ADAMTS17: variants seen among roughly 807,000 people sequenced by gnomAD.
ADAMTS17 encodes A disintegrin and metalloproteinase with thrombospondin motifs 17.
In ADAMTS17, 113 loss-of-function variants were observed where a neutral mutation model predicts 141.5. The ratio of observed to expected loss-of-function variants is 0.80; its 90% confidence interval spans 0.69 to 0.93. The LOEUF is 0.93. Among genes scored for constraint, ADAMTS17 ranks in the 40% least tolerant of loss-of-function variants. The pLI is 0.00. For synonymous variants in ADAMTS17, 768 were observed against 630.6 expected, an observed-to-expected ratio of 1.22 and a Z score of -3.27; for missense variants, 1,659 against 1,517.9, an observed-to-expected ratio of 1.09 and a Z score of -1.54.
At chr15:100,293,463 GCCC>G (rs1190685539) in intron 3 of ADAMTS17, among the ~76,000 whole-genome samples, 3 of 152,112 alleles carry the variant, frequency 2.0e-5, no homozygotes, top group Non-Finnish European at 4.4e-5. Context: ...TTCTGTACCT[GCCC>G]CATCAAAAAC....
intron 15 of ADAMTS17, among the ~76,000 whole-genome samples, chr15:100,082,821 TC>T (rs1471975397): frequency 1.3e-5 from 2 of 149,934 alleles, no homozygotes; most frequent in African/African-American, 4.9e-5. Flanking sequence ...TTGCAGACTC[TC>T]CTTCAAGAAC....
chr15:100,337,028 C>T (rs1200757569), intron 2 of ADAMTS17, among the ~76,000 whole-genome samples: 1 of 152,214 alleles, frequency 6.6e-6, no homozygotes, highest in Non-Finnish European at 1.5e-5. Flanking sequence ...CGCCCACCAC[C>T]ATGCCCAGCT....
intron 13 of ADAMTS17, among the ~76,000 whole-genome samples, chr15:100,111,046 G>A (rs948497820): frequency 2.0e-5 from 3 of 152,300 alleles, no homozygotes; most frequent in Non-Finnish European, 4.4e-5. Context: ...CAGTTCTTCC[G>A]GTTAGCTGTG....
chr15:100,180,415 A>T (rs930515916), intron 8 of ADAMTS17, among the ~76,000 whole-genome samples: 1 of 152,220 alleles, frequency 6.6e-6, no homozygotes, highest in Admixed American at 6.5e-5. Flanking sequence ...CATTTTGGTT[A>T]CTATAGCTCT....
In ADAMTS17 at chr15:100,169,691, G is replaced by C. The variant is rs150550749; in HGVS notation, c.1182-14371C>G. ...TGCTAAGCTGTGCGGAAGTGGCCAC[G>C]TGGAGGCTGGGAGCCCTCAGGTACT... On this transcript the variant is annotated intron_variant, in intron 8 of 21. Coordinates refer to ENST00000268070, the MANE Select transcript of ADAMTS17 (RefSeq NM_139057.4). Among the ~76,000 whole-genome samples the C allele has an allele frequency of 1.2e-3, 183 of 152,306 alleles. 3 individuals carry two copies. Among genetic ancestry groups the C allele is most frequent in the African/African-American group, 3.5e-3 (147 of 41,572 alleles).
rs563842595 is a variant in ADAMTS17, at chr15:100,185,122, G to GTGGA, written c.1181+14192_1181+14195dup. ...GGCTATGGACATAGTGGTCAGCAGT[G>GTGGA]TGGACACTGAGACCTTACTTCAAAT... is the stretch of plus-strand genomic sequence containing the variant. On this transcript the variant is annotated intron_variant, in intron 8 of 21. Coordinates refer to ENST00000268070, the MANE Select transcript of ADAMTS17 (RefSeq NM_139057.4). Among the ~76,000 whole-genome samples the GTGGA allele has an allele frequency of 2.4e-4, 37 of 152,310 alleles. No individual in the cohort carries two copies. In the South Asian group the frequency reaches 7.7e-3, roughly 32 times the overall value.
chr15:99,976,868 A>G (rs2060344128), intron 20 of ADAMTS17, among the ~76,000 whole-genome samples: 1 of 152,190 alleles, frequency 6.6e-6, no homozygotes, highest in Non-Finnish European at 1.5e-5. Flanking sequence ...TGTTAAGACA[A>G]CAGCTGAAAT....
At chr15:100,265,057 G>C (rs1567454175) in intron 4 of ADAMTS17, among the ~76,000 whole-genome samples, 1 of 152,198 alleles carries the variant, frequency 6.6e-6, no homozygotes, top group Non-Finnish European at 1.5e-5. Context: ...CTTGTAAGAA[G>C]AAATTTCCCC....
intron 12 of ADAMTS17, 90 bp downstream of exon 12, chr15:100,131,917 G>A: frequency 6.3e-7 from 1 of 1,593,290 alleles, no homozygotes; most frequent in Non-Finnish European, 8.6e-7. Flanking sequence ...CTCAGCGGGA[G>A]ACAGACCCTG....
chr15:100,116,641 T>C (rs2141146815), intron 13 of ADAMTS17, among the ~76,000 whole-genome samples: 1 of 152,362 alleles, frequency 6.6e-6, no homozygotes, highest in Non-Finnish European at 1.5e-5. Context: ...CTTCAACAGC[T>C]GCAGTTGGAA....
intron 3 of ADAMTS17, among the ~76,000 whole-genome samples, chr15:100,307,659 T>G (rs933330267): frequency 1.3e-5 from 2 of 152,220 alleles, no homozygotes; most frequent in Admixed American, 6.5e-5. Flanking sequence ...ATGGGAACCA[T>G]GCCGTTTTAC....
At chr15:100,013,136 T>G (rs2061220755) in intron 18 of ADAMTS17, among the ~76,000 whole-genome samples, 2 of 152,202 alleles carry the variant, frequency 1.3e-5, no homozygotes, top group Non-Finnish European at 2.9e-5. Context: ...CATTTTATTT[T>G]TTTGCAGCTA....
chr15:99,988,552 T>A (rs1039108035), intron 20 of ADAMTS17, among the ~76,000 whole-genome samples: 1 of 152,210 alleles, frequency 6.6e-6, no homozygotes, highest in African/African-American at 2.4e-5. Flanking sequence ...GCAACCAAGA[T>A]GTCACAGAGG....
At chr15:100,028,274 C>G (rs148392122) in intron 18 of ADAMTS17, among the ~76,000 whole-genome samples, 2 of 152,308 alleles carry the variant, frequency 1.3e-5, no homozygotes, top group African/African-American at 4.8e-5. Flanking sequence ...AAACCATCTG[C>G]CTAAATCATC....
chr15:100,049,974 AAG>A (rs1369868806), intron 17 of ADAMTS17, among the ~76,000 whole-genome samples: 9 of 152,176 alleles, frequency 5.9e-5, no homozygotes, highest in African/African-American at 2.2e-4. Context: ...ATTATTTGGG[AAG>A]AGTGACAATA....
chr15:100,235,750 G>A (rs751035366), intron 7 of ADAMTS17, among the ~76,000 whole-genome samples: 1 of 152,144 alleles, frequency 6.6e-6, no homozygotes, highest in Non-Finnish European at 1.5e-5. Flanking sequence ...AGGTGCTGGG[G>A]GCACTGAAAC....
At chr15:100,199,726 G>A (rs2041250758) in intron 7 of ADAMTS17, among the ~76,000 whole-genome samples, 1 of 152,202 alleles carries the variant, frequency 6.6e-6, no homozygotes, top group African/African-American at 2.4e-5. Flanking sequence ...GGTTTGGAAA[G>A]GAAAGGTAAC....
At chr15:100,116,712 T>G in intron 13 of ADAMTS17, 135 bp downstream of exon 13, 97 of 1,230,484 alleles carry the variant, frequency 7.9e-5, no homozygotes, top group Non-Finnish European at 1.0e-4. Flanking sequence ...GGGCCGCAGC[T>G]GAGCTGGGCA....
At chr15:100,327,900 T>G (rs978720118) in intron 3 of ADAMTS17, among the ~76,000 whole-genome samples, 4 of 152,216 alleles carry the variant, frequency 2.6e-5, no homozygotes, top group Non-Finnish European at 5.9e-5. Context: ...AGATGGCCTT[T>G]GCCGTGTCAG....
Sources: allele counts gnomAD v4.1 joint callset (sites outside exome capture counted in the v4.1 genomes callset), GRCh38; gene constraint gnomAD v4.1.1; transcripts MANE v1.5; gene names NCBI Gene and HGNC (gene_info 2026-07-23, HGNC 2026-07-21).